The following KIF26B variants were observed in gnomAD, a reference collection of about 807,000 sequenced individuals.
The protein encoded by KIF26B is kinesin family member 26B.
KIF26B carries 63 observed loss-of-function variants against 151.2 expected under a neutral mutation model. The observed-to-expected ratio is 0.42, with a 90% CI of 0.34 to 0.51. The LOEUF (loss-of-function observed/expected upper bound fraction) is 0.51. Among genes scored for constraint, KIF26B ranks in the 20% least tolerant of loss-of-function variants. The pLI is 0.07. For missense variants in KIF26B, 2,813 were observed against 2,913.6 expected (o/e 0.97, Z 0.79); for synonymous variants, 1,357 against 1,262.1 (o/e 1.08, Z -1.59).
At chr1:245,567,353 A>G (rs1025108031) in intron 5 of KIF26B, among the ~76,000 whole-genome samples, 1 of 152,006 alleles carries the variant, frequency 6.6e-6, no homozygotes, top group African/African-American at 2.4e-5. Flanking sequence ...TTATTCAGAC[A>G]CCCTTTCAGC....
At chr1:245,343,753 T>C (rs1052193969) in intron 2 of KIF26B, among the ~76,000 whole-genome samples, 1 of 152,210 alleles carries the variant, frequency 6.6e-6, no homozygotes, top group Non-Finnish European at 1.5e-5. Flanking sequence ...TGTTGACTTA[T>C]AATTCATGAA....
At chr1:245,247,468 A>G (rs1316241258) in intron 2 of KIF26B, among the ~76,000 whole-genome samples, 2 of 152,160 alleles carry the variant, frequency 1.3e-5, no homozygotes, top group Non-Finnish European at 2.9e-5. Flanking sequence ...AAAAAAAATA[A>G]AAATAAAATT....
At chr1:245,413,569 G>A (rs893061105) in intron 3 of KIF26B, among the ~76,000 whole-genome samples, 3 of 152,088 alleles carry the variant, frequency 2.0e-5, no homozygotes, top group Admixed American at 6.5e-5. Flanking sequence ...AGGCTGAGGC[G>A]GGAGAATCGC....
At chr1:245,614,284 C>T (rs2043560622) in intron 9 of KIF26B, among the ~76,000 whole-genome samples, 1 of 152,194 alleles carries the variant, frequency 6.6e-6, no homozygotes, top group Admixed American at 6.5e-5. Context: ...AAGCGATTCT[C>T]CTGCCTCAGC....
chr1:245,551,641 C>T (rs920491053), intron 5 of KIF26B, among the ~76,000 whole-genome samples: 1 of 152,168 alleles, frequency 6.6e-6, no homozygotes, highest in Non-Finnish European at 1.5e-5. Flanking sequence ...CGCCACGCGA[C>T]CCTGCAGTCA....
chr1:245,325,851 G>T (rs561468459), intron 2 of KIF26B, among the ~76,000 whole-genome samples: 12 of 152,308 alleles, frequency 7.9e-5, no homozygotes, highest in Admixed American at 2.6e-4. Context: ...GGGTGGTATT[G>T]TTTGTGACGT....
At chr1:245,666,499 T>G (rs1174165612) in intron 10 of KIF26B, among the ~76,000 whole-genome samples, 3 of 152,126 alleles carry the variant, frequency 2.0e-5, no homozygotes, top group Non-Finnish European at 2.9e-5. Context: ...GGGGTTCCTG[T>G]ACCCTAGGTT....
chr1:245,680,002 G>A (rs999811701), intron 10 of KIF26B, among the ~76,000 whole-genome samples: 17 of 152,150 alleles, frequency 1.1e-4, no homozygotes, highest in Middle Eastern at 6.8e-3. Flanking sequence ...TCTGGGGAGG[G>A]GGTGGCCAGC....
intron 3 of KIF26B, among the ~76,000 whole-genome samples, chr1:245,372,191 A>G (rs1673144739): frequency 6.6e-6 from 1 of 152,104 alleles, no homozygotes; most frequent in African/African-American, 2.4e-5. Flanking sequence ...CAGAAACCCT[A>G]CTGTGAACTG....
At chr1:245,155,533 T>C in intron 1 of KIF26B, 46 bp downstream of exon 1, 1 of 1,492,256 alleles carries the variant, frequency 6.7e-7, no homozygotes, top group Non-Finnish European at 9.2e-7. Context: ...CAGACCCATC[T>C]CGGCGGAGGT....
chr1:245,290,154 A>G (rs1192779704), intron 2 of KIF26B, among the ~76,000 whole-genome samples: 5 of 150,174 alleles, frequency 3.3e-5, no homozygotes, highest in African/African-American at 5.0e-5. Flanking sequence ...AGCATTCAGT[A>G]GGTGCTTAAT....
intron 2 of KIF26B, among the ~76,000 whole-genome samples, chr1:245,178,078 T>A (rs1414620931): frequency 1.3e-5 from 2 of 152,210 alleles, no homozygotes; most frequent in Admixed American, 6.5e-5. Context: ...TATTTGTCCC[T>A]TAGGAGTGTA....
chr1:245,586,369 T>C (rs2043224091), intron 5 of KIF26B, among the ~76,000 whole-genome samples: 1 of 152,164 alleles, frequency 6.6e-6, no homozygotes, highest in African/African-American at 2.4e-5. Context: ...GTGGTGTTAT[T>C]AGCATTATTT....
At chr1:245,477,524 C>T (rs552244149) in intron 4 of KIF26B, among the ~76,000 whole-genome samples, 2 of 151,812 alleles carry the variant, frequency 1.3e-5, no homozygotes, top group South Asian at 2.1e-4. Flanking sequence ...AACAAGGTAG[C>T]GCAGGTACGG....
chr1:245,338,984 G>GGTTTTT, intron 2 of KIF26B, among the ~76,000 whole-genome samples: 1 of 140,962 alleles, frequency 7.1e-6, no homozygotes, highest in African/African-American at 2.6e-5. Flanking sequence ...TGCTTTTAGG[G>GGTTTTT]TTTTTTTTTT....
At chr1:245,700,322 A>C (rs141116356) in intron 14 of KIF26B, among the ~76,000 whole-genome samples, 64 of 152,246 alleles carry the variant, frequency 4.2e-4, no homozygotes, top group African/African-American at 1.5e-3. Flanking sequence ...CTTGGTGCTT[A>C]CTACACTGCT....
chr1:245,670,092 C>T (rs2044264657), intron 10 of KIF26B, among the ~76,000 whole-genome samples: 1 of 151,848 alleles, frequency 6.6e-6, no homozygotes, highest in Non-Finnish European at 1.5e-5. Flanking sequence ...AGTTCATCCA[C>T]GTAACCAAAA....
chr1:245,350,119 T>G lies in KIF26B; in HGVS notation c.466-16715T>G, dbSNP rs1262984799. Among the ~76,000 whole-genome samples the G allele has an allele frequency of 2.0e-5, 3 of 152,118 alleles. No individual in the cohort carries two copies. In the East Asian group the frequency reaches 5.8e-4, roughly 29 times the overall value. ...AAATTCAACCAGCGGTTCCAAAGAC[T>G]GCTGGGCTGGAGTTGTCCGGGTTGG... On this transcript the variant is annotated intron_variant, in intron 2 of 14. Transcript: ENST00000407071.
At chr1:245,485,973 C>T (rs547255371) in intron 4 of KIF26B, among the ~76,000 whole-genome samples, 5 of 152,322 alleles carry the variant, frequency 3.3e-5, no homozygotes, top group Admixed American at 6.5e-5. Flanking sequence ...GTGGCAACCC[C>T]GTCCTCCAGC....
Sources: gnomAD v4.1 joint callset for allele counts (sites outside exome capture counted in the v4.1 genomes callset) on GRCh38, gnomAD v4.1.1 for gene constraint, MANE v1.5 for transcripts, NCBI Gene and HGNC (gene_info 2026-07-23, HGNC 2026-07-21) for gene names.